Variants in ADAMTS12 observed in about 807,000 individuals in gnomAD.
ADAMTS12 encodes the protein ADAM metallopeptidase with thrombospondin type 1 motif 12, also known as A disintegrin and metalloproteinase with thrombospondin motifs 12.
ADAMTS12 carries 118 observed loss-of-function variants against 167.8 expected under a neutral mutation model. That is an observed-to-expected ratio of 0.70 (90% CI 0.61 to 0.82). The LOEUF is 0.82. Among genes scored for constraint, ADAMTS12 ranks in the 40% least tolerant of loss-of-function variants. The pLI is 0.00. For synonymous variants in ADAMTS12, 704 were observed against 716.9 expected (o/e 0.98, Z 0.29); for missense variants, 1,916 against 1,998.8 (o/e 0.96, Z 0.79).
chr5:33,769,250 C>CTGAG (rs1483567566), intron 2 of ADAMTS12, among the ~76,000 whole-genome samples: 1 of 152,274 alleles, frequency 6.6e-6, no homozygotes, highest in Admixed American at 6.5e-5. Flanking sequence ...TTTTGACTCA[C>CTGAG]TGAGACCCAT....
At chr5:33,540,214 CA>C (rs1382935078) in intron 22 of ADAMTS12, among the ~76,000 whole-genome samples, 1 of 152,242 alleles carries the variant, frequency 6.6e-6, no homozygotes, top group African/African-American at 2.4e-5. Flanking sequence ...GCTAGCGCAG[CA>C]GTCTGAGATC....
intron 3 of ADAMTS12, among the ~76,000 whole-genome samples, chr5:33,710,415 C>T (rs1005574780): frequency 2.0e-5 from 3 of 152,158 alleles, no homozygotes; most frequent in African/African-American, 4.8e-5. Context: ...TGGAACTAAT[C>T]GTAACACATT....
rs1233114176 is a variant in ADAMTS12 at position 33,718,720 on chromosome 5, T to TG, written c.634+32683dup. On this transcript the variant is annotated intron_variant, in intron 3 of 23. Coordinates refer to ENST00000504830, the MANE Select transcript of ADAMTS12 (RefSeq NM_030955.4). ...TTTTCTGGTAAATGAGGCCACTTTC[T>TG]GGGGGCCGCAAACTGGTCACCATAC... Among the ~76,000 whole-genome samples the TG allele has an allele frequency of 2.0e-5, 3 of 152,286 alleles. No homozygotes were observed. The East Asian group carries it at 5.8e-4, about 29-fold the overall frequency.
chr5:33,524,605 C>T lies in ADAMTS12; in HGVS notation c.*2583G>A, dbSNP rs1457249944. The T allele has an allele frequency of 1.3e-5, 2 of 152,218 alleles. No homozygotes were observed. The allele number at this position is 152,218 out of a possible 1,614,324, so 9.4% of individuals were successfully genotyped here. A position where few individuals can be genotyped will look rare whatever the true frequency, so the allele number is the denominator to read the frequency against. ...TGCAGGTTCCTGTCTTCAGAGTCTTCCTGTTGATCTGAGTCCCCTCTTGTA... is the reference window on the plus strand; with the variant it reads ...TGCAGGTTCCTGTCTTCAGAGTCTTTCTGTTGATCTGAGTCCCCTCTTGTA... On this transcript the variant is annotated 3_prime_UTR_variant, in exon 24 of 24. Coordinates refer to ENST00000504830, the MANE Select transcript of ADAMTS12 (RefSeq NM_030955.4).
chr5:33,615,847 T>C lies in ADAMTS12; in HGVS notation c.2369A>G (p.Asn790Ser), dbSNP rs375210626. The change falls in exon 15 of 24, where the codon AAT becomes AGT. Residue 790 changes from asparagine to serine, a missense_variant. Transcript: ENST00000504830. ...LEKLMATGPT[N>S]ESVWIQLLFQ... ...CATTACCTGGATCCACACAGACTCA[T>C]TGGTGGGACCTGTGGCCATCAGCTT... 7 of 1,614,048 alleles carry C rather than the reference T, an allele frequency of 4.3e-6. No individual in the cohort carries two copies. In the African/African-American group the frequency reaches 8.0e-5, roughly 18 times the overall value.
intron 10 of ADAMTS12, among the ~76,000 whole-genome samples, chr5:33,643,030 C>G (rs1740523195): frequency 6.6e-6 from 1 of 152,150 alleles, no homozygotes; most frequent in Non-Finnish European, 1.5e-5. Context: ...CTGGCTTATC[C>G]TTTTCAATCT....
At chr5:33,673,334 C>A (rs1245322637) in intron 5 of ADAMTS12, among the ~76,000 whole-genome samples, 1 of 152,008 alleles carries the variant, frequency 6.6e-6, no homozygotes, top group African/African-American at 2.4e-5. Flanking sequence ...GAACCTAAAT[C>A]TCCTGATGGT....
At chr5:33,527,670 G>C (rs780545506) in intron 23 of ADAMTS12, among the ~76,000 whole-genome samples, 3 of 152,186 alleles carry the variant, frequency 2.0e-5, no homozygotes, top group Non-Finnish European at 4.4e-5. Context: ...TTTGGGTTCA[G>C]CTCTGTGACT....
chr5:33,575,708 A>G (rs1746663172), intron 19 of ADAMTS12, among the ~76,000 whole-genome samples: 1 of 152,210 alleles, frequency 6.6e-6, no homozygotes, highest in African/African-American at 2.4e-5. Flanking sequence ...TGGGGACTGC[A>G]TAATGATTTC....
chr5:33,527,023 G>C lies in ADAMTS12; in HGVS notation c.*165C>G, dbSNP rs112490969. On this transcript the variant is annotated 3_prime_UTR_variant, in exon 24 of 24. Coordinates refer to ENST00000504830, the MANE Select transcript of ADAMTS12 (RefSeq NM_030955.4). Reference sequence around the variant, plus strand: ...GTACGGCAGCCTAGGCCTCCTGTGAGGGACATTCGGTGGCTAGAGGAACAC... The same window carrying C: ...GTACGGCAGCCTAGGCCTCCTGTGACGGACATTCGGTGGCTAGAGGAACAC... The C allele has an allele frequency of 2.0e-5, 18 of 884,154 alleles. 2 individuals carry two copies. In the Admixed American group the frequency reaches 2.4e-4, roughly 12 times the overall value. 54.8% of individuals were successfully genotyped at this position (884,154 alleles called of 1,614,324 possible).
intron 3 of ADAMTS12, among the ~76,000 whole-genome samples, chr5:33,685,867 C>A (rs1226339361): frequency 6.6e-6 from 1 of 152,094 alleles, no homozygotes; most frequent in East Asian, 1.9e-4. Context: ...TCCCTCATTG[C>A]CCCATCAGCT....
chr5:33,610,130 G>A (rs1038400729), intron 16 of ADAMTS12, among the ~76,000 whole-genome samples: 5 of 152,188 alleles, frequency 3.3e-5, no homozygotes, highest in South Asian at 2.1e-4. Flanking sequence ...GCGGTGAGCC[G>A]AGATTGAGCC....
At chr5:33,657,972 C>G (rs1220268189) in intron 7 of ADAMTS12, among the ~76,000 whole-genome samples, 1 of 152,076 alleles carries the variant, frequency 6.6e-6, no homozygotes, top group Non-Finnish European at 1.5e-5. Context: ...TGTGAGTATA[C>G]ATGGTCTGGG....
intron 3 of ADAMTS12, among the ~76,000 whole-genome samples, chr5:33,722,228 G>T (rs985673242): frequency 2.1e-5 from 3 of 141,114 alleles, no homozygotes. Flanking sequence ...ACCGGTAATT[G>T]TTTGTTATCA....
intron 23 of ADAMTS12, among the ~76,000 whole-genome samples, chr5:33,530,214 C>A (rs1744030949): frequency 6.6e-6 from 1 of 152,194 alleles, no homozygotes; most frequent in South Asian, 2.1e-4. Flanking sequence ...GTGTGAGCCA[C>A]TGTGCCTGGC....
chr5:33,692,004 C>T (rs952274517), intron 3 of ADAMTS12, among the ~76,000 whole-genome samples: 1 of 152,210 alleles, frequency 6.6e-6, no homozygotes, highest in Non-Finnish European at 1.5e-5. Context: ...TGCATCAAGT[C>T]CTTAAAACTT....
intron 2 of ADAMTS12, among the ~76,000 whole-genome samples, chr5:33,827,628 AC>A (rs1748130521): frequency 6.6e-6 from 1 of 152,150 alleles, no homozygotes; most frequent in Admixed American, 6.6e-5. Context: ...CATTAAAAAA[AC>A]ATGTTAATAA....
At chr5:33,798,765 T>C (rs1036895516) in intron 2 of ADAMTS12, among the ~76,000 whole-genome samples, 4 of 152,180 alleles carry the variant, frequency 2.6e-5, no homozygotes, top group Admixed American at 6.5e-5. Flanking sequence ...TGTGGTTCTA[T>C]TGGATTAAGA....
At chr5:33,530,224 C>A in intron 23 of ADAMTS12, among the ~76,000 whole-genome samples, 1 of 152,120 alleles carries the variant, frequency 6.6e-6, no homozygotes, top group East Asian at 1.9e-4. Flanking sequence ...CTGTGCCTGG[C>A]CTTGTTTTTC....
Sources: allele counts gnomAD v4.1 joint callset (sites outside exome capture counted in the v4.1 genomes callset), GRCh38; gene constraint gnomAD v4.1.1; transcripts MANE v1.5; gene names NCBI Gene and HGNC (gene_info 2026-07-23, HGNC 2026-07-21).